Variants in LRBA observed in about 807,000 individuals in gnomAD.
The protein encoded by LRBA is LPS responsive beige-like anchor protein, also known as lipopolysaccharide-responsive and beige-like anchor protein.
A neutral mutation model predicts 330.0 loss-of-function variants in LRBA; 176 were observed. The observed-to-expected ratio is 0.53, with a 90% CI of 0.47 to 0.60. The LOEUF is 0.60. Ranked by LOEUF, LRBA falls within the 20% of genes least tolerant of loss-of-function variation. The pLI is 0.00. For missense variants in LRBA, 3,259 were observed against 3,444.8 expected (o/e 0.95, Z 1.35); for synonymous variants, 1,230 against 1,193.0 (o/e 1.03, Z -0.64).
chr4:150,952,664 G>A (rs1042305209), intron 2 of LRBA, among the ~76,000 whole-genome samples: 5 of 151,990 alleles, frequency 3.3e-5, no homozygotes, highest in African/African-American at 7.3e-5. Flanking sequence ...TGGGGTGGGC[G>A]GGGTGGAGAG....
At chr4:150,507,480 G>C (rs1761250681) in intron 40 of LRBA, among the ~76,000 whole-genome samples, 2 of 146,112 alleles carry the variant, frequency 1.4e-5, no homozygotes, top group African/African-American at 4.9e-5. Context: ...AATGAGGAAA[G>C]GATTCCTTAT....
chr4:150,721,090 C>T (rs1192860242), intron 36 of LRBA: 2 of 583,540 alleles, frequency 3.4e-6, no homozygotes, highest in African/African-American at 3.8e-5. Flanking sequence ...TTGGATCATA[C>T]AGCAGATGTC....
rs1348899565 is a variant in LRBA at position 150,870,515 on chromosome 4, A to T, written c.2449+10T>A. On this transcript the variant is annotated intron_variant, in intron 20 of 56. Coordinates refer to ENST00000651943, the MANE Select transcript of LRBA (RefSeq NM_001364905.1). Reference sequence around the variant, plus strand: ...AAGGTAGTTTTTGTTAAAGTATATAAAATACATACGAGGGTTTTGTATCTT... The same window carrying T: ...AAGGTAGTTTTTGTTAAAGTATATATAATACATACGAGGGTTTTGTATCTT... 2 of 1,498,742 alleles carry T rather than the reference A, an allele frequency of 1.3e-6. No homozygotes were observed. The highest frequency in any genetic ancestry group is 1.9e-6 in the Non-Finnish European group (2 of 1,076,750). The allele number at this position is 1,498,742 out of a possible 1,614,324, so 92.8% of individuals were successfully genotyped here.
In LRBA at chr4:150,860,815, C is replaced by T. The variant is rs542496473; in HGVS notation, c.2766+6856G>A. 5.1e-3 allele frequency among the ~76,000 whole-genome samples: 668 copies of T among 131,124 alleles called. 8 individuals are homozygous for T. The highest frequency in any genetic ancestry group is 0.018 in the African/African-American group (638 of 35,688). The allele number at this position is 131,124 out of a possible 152,430, so 86.0% of individuals were successfully genotyped here. On this transcript the variant is annotated intron_variant, in intron 22 of 56. Transcript: ENST00000651943. The stretch of plus-strand genomic sequence containing the variant: ...AGGGCGACAGAGCGAGACTCCGTCT[C>T]AAAAAAAAAAAAGAAATATATAAAC...
intron 37 of LRBA, among the ~76,000 whole-genome samples, chr4:150,667,364 A>G (rs1032220122): frequency 6.6e-6 from 1 of 152,172 alleles, no homozygotes; most frequent in African/African-American, 2.4e-5. Flanking sequence ...AGGCATTGTG[A>G]TGATGGAAGC....
At chr4:150,639,811 GTGTGTGTGTATATATATATA>G (rs1561457859) in intron 37 of LRBA, among the ~76,000 whole-genome samples, 323 of 13,822 alleles carry the variant, frequency 0.023, 64 homozygotes, top group East Asian at 0.082. Context: ...ATATATGTGT[GTGTGTGTGTATATATATATA>G]TATATATATA....
In LRBA at chr4:150,914,347, A is replaced by G. The variant is rs1732335550; in HGVS notation, c.1015-6T>C. 6.7e-7 allele frequency: 1 copy of G among 1,498,376 alleles called. No homozygotes were observed. The highest frequency in any genetic ancestry group is 8.9e-7 in the Non-Finnish European group (1 of 1,121,090). The allele number at this position is 1,498,376 out of a possible 1,614,324, so 92.8% of individuals were successfully genotyped here. The stretch of plus-strand genomic sequence containing the variant: ...AGGAAACATTTGTCAAAGGTCTGTA[A>G]AAGAAAAAAAAAAAGGAATTAGGAA... On this transcript the variant is annotated splice_polypyrimidine_tract_variant and splice_region_variant and intron_variant, in intron 8 of 56. Coordinates refer to ENST00000651943, the MANE Select transcript of LRBA (RefSeq NM_001364905.1).
At chr4:150,440,948 T>C (rs1751748373) in intron 44 of LRBA, among the ~76,000 whole-genome samples, 1 of 152,086 alleles carries the variant, frequency 6.6e-6, no homozygotes, top group Non-Finnish European at 1.5e-5. Flanking sequence ...GAGATAATAA[T>C]GATATCTTTC....
At position 150,824,091 on chromosome 4, in the gene LRBA, C is replaced by G. The variant is rs138525274; in HGVS notation, c.5171+4089G>C. Among the ~76,000 whole-genome samples the G allele has an allele frequency of 4.3e-3, 648 of 152,048 alleles. 4 individuals carry two copies. Among genetic ancestry groups the G allele is most frequent in the African/African-American group, 0.015 (627 of 41,476 alleles). On this transcript the variant is annotated intron_variant, in intron 30 of 56. Transcript: ENST00000651943. The stretch of plus-strand genomic sequence containing the variant: ...TGAAATATCTTTCATTTTGGGGGTC[C>G]TTTTTAGTTTTTGCATCAATGTTTT...
At chr4:150,459,183 G>C (rs1286953198) in intron 44 of LRBA, among the ~76,000 whole-genome samples, 2 of 151,794 alleles carry the variant, frequency 1.3e-5, no homozygotes, top group Non-Finnish European at 2.9e-5. Flanking sequence ...AAGGGGTCTA[G>C]GGGCTTTCAC....
intron 37 of LRBA, among the ~76,000 whole-genome samples, chr4:150,621,699 G>T (rs1776307723): frequency 6.6e-6 from 1 of 152,158 alleles, no homozygotes; most frequent in Non-Finnish European, 1.5e-5. Flanking sequence ...TTGCCTGTAT[G>T]TTCAAAATCA....
At chr4:150,630,821 A>G (rs1777304257) in intron 37 of LRBA, among the ~76,000 whole-genome samples, 1 of 152,124 alleles carries the variant, frequency 6.6e-6, no homozygotes. Context: ...ACTCTAAGGT[A>G]ACTACCTTAG....
chr4:150,489,187 T>A, intron 41 of LRBA, among the ~76,000 whole-genome samples: 1 of 125,268 alleles, frequency 8.0e-6, no homozygotes, highest in Admixed American at 8.9e-5. Flanking sequence ...GTATATAATA[T>A]ATTATATATA....
At chr4:150,902,092 T>C (rs974158475) in intron 13 of LRBA, among the ~76,000 whole-genome samples, 1 of 152,116 alleles carries the variant, frequency 6.6e-6, no homozygotes, top group African/African-American at 2.4e-5. Context: ...ATGAAAAAAG[T>C]CATGAAGCAA....
At chr4:150,606,391 G>A (rs1774629583) in intron 37 of LRBA, among the ~76,000 whole-genome samples, 1 of 152,006 alleles carries the variant, frequency 6.6e-6, no homozygotes, top group African/African-American at 2.4e-5. Flanking sequence ...CTATTATACT[G>A]TCCCCAAATA....
At chr4:150,559,552 A>C (rs1245927452) in intron 40 of LRBA, among the ~76,000 whole-genome samples, 1 of 124,364 alleles carries the variant, frequency 8.0e-6, no homozygotes, top group African/African-American at 3.1e-5. Context: ...TAAGATAAAT[A>C]TATATATTTA....
At chr4:150,717,483 C>A (rs1728354246) in intron 36 of LRBA, among the ~76,000 whole-genome samples, 1 of 151,478 alleles carries the variant, frequency 6.6e-6, no homozygotes, top group South Asian at 2.1e-4. Flanking sequence ...TATGACAAAA[C>A]CGATCTCTAC....
chr4:150,534,422 A>C (rs547967360), intron 40 of LRBA, among the ~76,000 whole-genome samples: 4 of 151,068 alleles, frequency 2.6e-5, no homozygotes, highest in Non-Finnish European at 5.9e-5. Flanking sequence ...CAGTATTCCT[A>C]ATATACAAAG....
chr4:150,953,702 C>T (rs1348024951), intron 2 of LRBA, among the ~76,000 whole-genome samples: 6 of 151,916 alleles, frequency 3.9e-5, no homozygotes, highest in Middle Eastern at 3.4e-3. Context: ...GGTGTGATCT[C>T]GGCTCACTAC....
Sources: allele counts gnomAD v4.1 joint callset (sites outside exome capture counted in the v4.1 genomes callset), GRCh38; gene constraint gnomAD v4.1.1; transcripts MANE v1.5; gene names NCBI Gene and HGNC (gene_info 2026-07-23, HGNC 2026-07-21).